CADM1: variants seen among roughly 807,000 people sequenced by gnomAD.
CADM1 encodes the protein TSLC-1.
Under a neutral mutation model 53.1 loss-of-function variants are expected in CADM1, and 15 were observed. The observed-to-expected ratio is 0.28, with a 90% CI of 0.19 to 0.44. CADM1 has a LOEUF of 0.44. Ranked by LOEUF, CADM1 falls within the 20% of genes least tolerant of loss-of-function variation. CADM1 has a pLI of 1.00. For synonymous variants in CADM1, 281 were observed against 243.0 expected (o/e 1.16, Z -1.45); for missense variants, 434 against 611.3 (o/e 0.71, Z 3.06).
At chr11:115,260,091 T>A (rs2135013332) in intron 1 of CADM1, among the ~76,000 whole-genome samples, 1 of 152,188 alleles carries the variant, frequency 6.6e-6, no homozygotes, top group East Asian at 1.9e-4. Context: ...CATGCCTAAT[T>A]TTTTTACTTT....
chr11:115,493,919 A>T (rs1949553096), intron 1 of CADM1, among the ~76,000 whole-genome samples: 1 of 152,184 alleles, frequency 6.6e-6, no homozygotes, highest in Non-Finnish European at 1.5e-5. Context: ...GACCATATCC[A>T]ATGTGTGATC....
intron 1 of CADM1, among the ~76,000 whole-genome samples, chr11:115,400,812 T>C (rs11215537): frequency 0.34 from 50,577 of 149,776 alleles, 9,584 homozygotes; most frequent in Non-Finnish European, 0.44. Flanking sequence ...GTATGCCTAT[T>C]AGAATGGCCA....
rs1334853492 is a variant in CADM1, at chr11:115,172,802, A to G, written c.*3672T>C. The G allele has an allele frequency of 7.1e-6, 1 of 140,360 alleles. No homozygotes were observed. The highest frequency in any genetic ancestry group is 2.7e-5 in the African/African-American group (1 of 37,608). 8.7% of individuals were successfully genotyped at this position (140,360 alleles called of 1,614,324 possible). On this transcript the variant is annotated 3_prime_UTR_variant, in exon 12 of 12. Coordinates refer to ENST00000331581, the MANE Select transcript of CADM1 (RefSeq NM_001301043.2). ...ACCAGGCCAGGATGGAAGTGGCTCA[A>G]GGGGAGATGCACAGCCTTCAGTCTT...
Position 115,233,567 on chromosome 11 carries a change from G to C in CADM1, c.425-2077C>G, listed in dbSNP as rs539312179. Among the ~76,000 whole-genome samples the C allele has an allele frequency of 3.3e-5, 5 of 152,222 alleles. No individual in the cohort carries two copies. The South Asian group carries it at 1.0e-3, about 32-fold the overall frequency. ...CTGCATTCTGAGTGCAGTATTATAG[G>C]AATATTTTTTACATGCTATTGTTAG... On this transcript the variant is annotated intron_variant, in intron 3 of 11. Coordinates refer to ENST00000331581, the MANE Select transcript of CADM1 (RefSeq NM_001301043.2).
At chr11:115,462,909 G>A (rs1255779132) in intron 1 of CADM1, among the ~76,000 whole-genome samples, 1 of 152,090 alleles carries the variant, frequency 6.6e-6, no homozygotes, top group African/African-American at 2.4e-5. Context: ...AAGAAGGAAA[G>A]GGGATGAAGC....
intron 1 of CADM1, among the ~76,000 whole-genome samples, chr11:115,350,225 C>T (rs993819314): frequency 1.3e-5 from 2 of 152,222 alleles, no homozygotes; most frequent in East Asian, 3.9e-4. Flanking sequence ...CCCGCCTCAG[C>T]CTCCCAAAGT....
intron 1 of CADM1, among the ~76,000 whole-genome samples, chr11:115,492,760 A>G (rs1184086093): frequency 6.6e-6 from 1 of 152,176 alleles, no homozygotes; most frequent in East Asian, 1.9e-4. Context: ...AGATGGAGAG[A>G]AAGTACCCTC....
intron 1 of CADM1, among the ~76,000 whole-genome samples, chr11:115,342,307 G>A (rs181803208): frequency 1.3e-5 from 2 of 152,294 alleles, no homozygotes; most frequent in Non-Finnish European, 2.9e-5. Context: ...CTCAAGAGTT[G>A]TATGTGTACT....
intron 1 of CADM1, among the ~76,000 whole-genome samples, chr11:115,432,697 T>C (rs928469652): frequency 5.3e-5 from 8 of 152,230 alleles, no homozygotes; most frequent in African/African-American, 1.4e-4. Flanking sequence ...AAGGGATTTA[T>C]TGAAATGGTG....
intron 1 of CADM1, among the ~76,000 whole-genome samples, chr11:115,324,452 C>A (rs554603546): frequency 2.6e-5 from 4 of 152,216 alleles, no homozygotes; most frequent in Non-Finnish European, 5.9e-5. Context: ...CTTTTACATG[C>A]TATATACTAC....
At chr11:115,392,718 A>AG (rs1262099986) in intron 1 of CADM1, among the ~76,000 whole-genome samples, 2 of 152,170 alleles carry the variant, frequency 1.3e-5, no homozygotes, top group Non-Finnish European at 2.9e-5. Context: ...GGTCATTTCC[A>AG]GCCAGGAGGA....
At chr11:115,418,977 G>A (rs957268230) in intron 1 of CADM1, among the ~76,000 whole-genome samples, 1 of 152,150 alleles carries the variant, frequency 6.6e-6, no homozygotes, top group African/African-American at 2.4e-5. Context: ...AAAGGAATCT[G>A]AACTGTTAAT....
At position 115,176,487 on chromosome 11, in the gene CADM1, T is replaced by C. The variant is rs1488277123; in HGVS notation, c.1403A>G (p.Glu468Gly). Residue 468 changes from glutamate to glycine, a missense_variant, in exon 12 of 12, where the codon GAG (glutamate) becomes GGG (glycine). This residue lies in a region of CADM1 where 16 missense variants were observed against 41.8 expected (regional missense o/e 0.38). Coordinates refer to ENST00000331581, the MANE Select transcript of CADM1 (RefSeq NM_001301043.2). ...AAAAAGGCTGATCTAGATGAAGTAC[T>C]CTTTCTTTTCTTCGGAGTTGTTCTG... ...GGQNNSEEKK[E>G]YFI is the part of the protein sequence containing the mutation. 1.9e-6 allele frequency: 3 copies of C among 1,614,024 alleles called. No individual in the cohort carries two copies. The highest frequency in any genetic ancestry group is 2.5e-6 in the Non-Finnish European group (3 of 1,179,892).
chr11:115,495,593 C>G (rs1949590809), intron 1 of CADM1, among the ~76,000 whole-genome samples: 1 of 152,156 alleles, frequency 6.6e-6, no homozygotes, highest in Admixed American at 6.5e-5. Flanking sequence ...AATCCACCCT[C>G]TATGTTATCT....
chr11:115,391,149 C>T (rs1946826499), intron 1 of CADM1, among the ~76,000 whole-genome samples: 1 of 152,194 alleles, frequency 6.6e-6, no homozygotes, highest in Non-Finnish European at 1.5e-5. Context: ...CGTCTAGAAT[C>T]TTATAACCTG....
intron 1 of CADM1, among the ~76,000 whole-genome samples, chr11:115,243,426 CA>C (rs1180268642): frequency 6.6e-6 from 1 of 152,148 alleles, no homozygotes; most frequent in Non-Finnish European, 1.5e-5. Flanking sequence ...CCAAGGATGT[CA>C]TTCTGTAAAT....
intron 1 of CADM1, among the ~76,000 whole-genome samples, chr11:115,321,851 C>G (rs893580392): frequency 6.6e-6 from 1 of 152,176 alleles, no homozygotes; most frequent in East Asian, 1.9e-4. Flanking sequence ...TCATCACCCA[C>G]AAATGCACCA....
At chr11:115,255,339 TG>T (rs1942750589) in intron 1 of CADM1, among the ~76,000 whole-genome samples, 1 of 152,204 alleles carries the variant, frequency 6.6e-6, no homozygotes, top group African/African-American at 2.4e-5. Context: ...TTAGGACACC[TG>T]TCCACCAGTC....
intron 9 of CADM1, among the ~76,000 whole-genome samples, chr11:115,193,142 T>C (rs1939971499): frequency 6.6e-6 from 1 of 152,220 alleles, no homozygotes; most frequent in South Asian, 2.1e-4. Flanking sequence ...TTATACACTT[T>C]TCATTTTCTC....
Sources: allele counts gnomAD v4.1 joint callset (sites outside exome capture counted in the v4.1 genomes callset), GRCh38; gene constraint gnomAD v4.1.1; regional missense constraint gnomAD v4.1.1; transcripts MANE v1.5; gene names NCBI Gene and HGNC (gene_info 2026-07-23, HGNC 2026-07-21).